DNAH11: variants seen among roughly 807,000 people sequenced by gnomAD.
DNAH11 encodes the protein axonemal beta dynein heavy chain 11.
DNAH11 carries 442 observed loss-of-function variants against 526.0 expected under a neutral mutation model. The observed-to-expected ratio is 0.84, with a 90% CI of 0.78 to 0.91. The LOEUF (loss-of-function observed/expected upper bound fraction) is 0.91, where lower values mean the gene tolerates loss of function less well. Ranked by LOEUF, DNAH11 falls within the 40% of genes least tolerant of loss-of-function variation. DNAH11 has a pLI of 0.00. For synonymous variants in DNAH11, 2,461 were observed against 1,935.9 expected (o/e 1.27, Z -7.12); for missense variants, 6,989 against 5,448.7 (o/e 1.28, Z -8.90).
intron 20 of DNAH11, among the ~76,000 whole-genome samples, chr7:21,608,310 T>C (rs1785384458): frequency 6.6e-6 from 1 of 152,132 alleles, no homozygotes; most frequent in African/African-American, 2.4e-5. Flanking sequence ...ATTAGAAAAA[T>C]GGTGTCTTTG....
intron 6 of DNAH11, among the ~76,000 whole-genome samples, chr7:21,567,254 C>A (rs1386449487): frequency 6.6e-6 from 1 of 152,034 alleles, no homozygotes; most frequent in Admixed American, 6.6e-5. Flanking sequence ...TTGTACCTTG[C>A]ATGATATATG....
chr7:21,888,653 C>G (rs772212164), intron 76 of DNAH11, among the ~76,000 whole-genome samples: 2 of 151,956 alleles, frequency 1.3e-5, no homozygotes, highest in Non-Finnish European at 2.9e-5. Flanking sequence ...CCACGCTGGG[C>G]TAATTTTCGT....
At chr7:21,717,719 A>G in intron 42 of DNAH11, 56 bp from the exon 43 acceptor site, 1 of 1,603,106 alleles carries the variant, frequency 6.2e-7, no homozygotes, top group Middle Eastern at 1.7e-4. Context: ...TGACTTGGTG[A>G]AATTCTGCTT....
At position 21,900,119 on chromosome 7, in the gene DNAH11, G is replaced by C. The variant is rs1458575881; in HGVS notation, c.13302G>C (p.Glu4434Asp). The change falls in exon 81 of 82, where the codon GAG (glutamate) becomes GAC (aspartate). Residue 4434 changes from glutamate (E) to aspartate (D), a missense_variant and splice_region_variant. Coordinates refer to ENST00000409508, the MANE Select transcript of DNAH11 (RefSeq NM_001277115.2). Reference sequence around the variant, plus strand: ...CATACCTCCACGGACTCTTCATGGAGGGTAAGACACCCCAAGGGGTAAGTG... The same window carrying C: ...CATACCTCCACGGACTCTTCATGGACGGTAAGACACCCCAAGGGGTAAGTG... ...EGAYLHGLFMEGARWDTQAGT... is the reference protein window; with the variant it reads ...EGAYLHGLFMDGARWDTQAGT... The C allele has an allele frequency of 6.2e-7, 1 of 1,610,114 alleles. No homozygotes were observed. Among genetic ancestry groups the C allele is most frequent in the African/African-American group, 1.3e-5 (1 of 74,842 alleles).
At position 21,683,863 on chromosome 7, in the gene DNAH11, A is replaced by G. The variant is rs1783249990; in HGVS notation, c.5540A>G (p.Asn1847Ser). The part of the protein sequence containing the change: ...WEDTQKHCFV[N>S]ICDAQFQYFY... ...GATACCCAGAAACACTGCTTTGTTA[A>G]TATTTGTGATGCCCAGTTCCAGTAC... Residue 1847 changes from asparagine to serine, a missense_variant, in exon 32 of 82, where the codon AAT (asparagine) becomes AGT (serine). By Grantham distance (46) the Asn-to-Ser change is conservative. Transcript: ENST00000409508. The G allele has an allele frequency of 6.2e-7, 1 of 1,613,728 alleles. No individual in the cohort carries two copies. Among genetic ancestry groups the G allele is most frequent in the South Asian group, 1.1e-5 (1 of 91,040 alleles).
At position 21,683,789 on chromosome 7, in the gene DNAH11, C is replaced by A; in HGVS notation, c.5466C>A (p.Val1822=). 1.2e-6 allele frequency: 2 copies of A among 1,602,354 alleles called. No homozygotes were observed. Among genetic ancestry groups the A allele is most frequent in the Non-Finnish European group, 1.7e-6 (2 of 1,174,052 alleles). Reference sequence around the variant, plus strand: ...TGATTATGCAATGCCTTTAGGTTGTCAGTCCCCAAGCTTTTACATGGCTGT... The same window carrying A: ...TGATTATGCAATGCCTTTAGGTTGTAAGTCCCCAAGCTTTTACATGGCTGT... ...VVAKLISQKV[V]SPQAFTWLSQ... is the part of the protein sequence containing the mutation. Residue 1822 remains valine (V), a synonymous_variant, in exon 32 of 82, where the codon GTC becomes GTA. Coordinates refer to ENST00000409508, the MANE Select transcript of DNAH11 (RefSeq NM_001277115.2).
chr7:21,602,175 A>G (rs1423564276), intron 18 of DNAH11, among the ~76,000 whole-genome samples: 1 of 151,988 alleles, frequency 6.6e-6, no homozygotes, highest in Admixed American at 6.6e-5. Context: ...CCCCATCTCT[A>G]CTAAAAATAC....
At chr7:21,630,888 ATTAT>A (rs1786571466) in intron 25 of DNAH11, among the ~76,000 whole-genome samples, 1 of 152,068 alleles carries the variant, frequency 6.6e-6, no homozygotes, top group Admixed American at 6.5e-5. Context: ...AGTTTTTAAT[ATTAT>A]TTATCTTGTA....
At chr7:21,816,440 T>C (rs1160448648) in intron 63 of DNAH11, 27 bp from the exon 64 acceptor site, 3 of 1,547,396 alleles carry the variant, frequency 1.9e-6, no homozygotes, top group Non-Finnish European at 2.6e-6. Context: ...CATGACCAAT[T>C]TGTTGCATTC....
intron 66 of DNAH11, among the ~76,000 whole-genome samples, chr7:21,850,146 G>A (rs1206078563): frequency 2.6e-5 from 4 of 151,556 alleles, no homozygotes; most frequent in Non-Finnish European, 4.4e-5. Flanking sequence ...CACAAGGTCA[G>A]GAGATTGAGA....
chr7:21,778,340 AAC>A (rs1299581674), intron 56 of DNAH11, among the ~76,000 whole-genome samples: 2 of 152,144 alleles, frequency 1.3e-5, no homozygotes, highest in African/African-American at 4.8e-5. Context: ...TAATACCCCA[AAC>A]ACACAGTTTG....
At chr7:21,787,695 G>T (rs1788252930) in intron 60 of DNAH11, 112 bp downstream of exon 60, 9 of 931,060 alleles carry the variant, frequency 9.7e-6, no homozygotes, top group South Asian at 2.3e-5. Flanking sequence ...TCTGAATAAG[G>T]ATATGTAGTT....
intron 58 of DNAH11, among the ~76,000 whole-genome samples, chr7:21,785,882 A>G (rs976782663): frequency 1.2e-4 from 19 of 152,238 alleles, no homozygotes; most frequent in South Asian, 6.2e-4. Flanking sequence ...TTTATAAGCA[A>G]GAGTGTATTA....
chr7:21,850,628 T>C (rs1016025220), intron 66 of DNAH11, among the ~76,000 whole-genome samples: 2 of 148,354 alleles, frequency 1.3e-5, no homozygotes, highest in African/African-American at 2.5e-5. Flanking sequence ...TTTTTTTTTT[T>C]TTTGCCTCTA....
chr7:21,864,579 C>T lies in DNAH11; in HGVS notation c.11418C>T (p.Phe3806=), dbSNP rs187814474. 591 of 1,612,014 alleles carry T rather than the reference C, an allele frequency of 3.7e-4. 2 individuals are homozygous for T. Among genetic ancestry groups the T allele is most frequent in the Middle Eastern group, 2.3e-3 (14 of 6,056 alleles). ...AGATAGACCCTCTTGAATTGGATTT[C>T]CTGCTTCGATTCACAGTTGAACACA... ...KKEIDPLELD[F]LLRFTVEHTH... Residue 3806 remains phenylalanine, a synonymous_variant, in exon 70 of 82, where the codon TTC becomes TTT. Coordinates refer to ENST00000409508, the MANE Select transcript of DNAH11 (RefSeq NM_001277115.2).
Position 21,825,776 on chromosome 7 carries a change from G to A in DNAH11, c.10691+7437G>A, listed in dbSNP as rs542991216. 5.1e-4 allele frequency among the ~76,000 whole-genome samples: 78 copies of A among 152,050 alleles called. 1 individual carries two copies. The highest frequency in any genetic ancestry group is 4.6e-4 in the Non-Finnish European group (31 of 67,982). On this transcript the variant is annotated intron_variant, in intron 65 of 81. Transcript: ENST00000409508. ...AGATCGAGACCAACCTGGCGAACAC[G>A]GTGAAACCCCTTCTCTACTAAAAAT...
At chr7:21,688,353 A>G (rs763387934) in intron 34 of DNAH11, among the ~76,000 whole-genome samples, 2 of 152,158 alleles carry the variant, frequency 1.3e-5, no homozygotes, top group Non-Finnish European at 2.9e-5. Flanking sequence ...AGTAAGCACT[A>G]TATCCGTGTT....
intron 65 of DNAH11, among the ~76,000 whole-genome samples, chr7:21,829,709 T>C (rs1790463521): frequency 6.6e-6 from 1 of 152,224 alleles, no homozygotes; most frequent in South Asian, 2.1e-4. Flanking sequence ...TGAGAACGTT[T>C]CCAATAAAAG....
intron 59 of DNAH11, 41 bp downstream of exon 59, chr7:21,786,808 C>T (rs765748210): frequency 1.2e-6 from 2 of 1,610,478 alleles, no homozygotes; most frequent in African/African-American, 2.7e-5. Flanking sequence ...CTGATAATTT[C>T]CATACTGTTT....
Sources: gnomAD v4.1 joint callset for allele counts (sites outside exome capture counted in the v4.1 genomes callset) on GRCh38, gnomAD v4.1.1 for gene constraint, MANE v1.5 for transcripts, NCBI Gene and HGNC (gene_info 2026-07-23, HGNC 2026-07-21) for gene names.